TP53BP2: variants seen among roughly 807,000 people sequenced by gnomAD.
TP53BP2 encodes the protein apoptosis-stimulating of p53 protein 2.
TP53BP2 carries 62 observed loss-of-function variants against 126.2 expected under a neutral mutation model. The ratio of observed to expected loss-of-function variants is 0.49; its 90% confidence interval spans 0.40 to 0.61. The LOEUF (loss-of-function observed/expected upper bound fraction) is 0.61, where lower values mean the gene tolerates loss of function less well. Among genes scored for constraint, TP53BP2 ranks in the 20% least tolerant of loss-of-function variants. The pLI is 0.00. For missense variants in TP53BP2, 1,215 were observed against 1,402.8 expected (o/e 0.87, Z 2.14); for synonymous variants, 485 against 502.9 (o/e 0.96, Z 0.48).
chr1:223,817,561 A>G (rs1663131554), intron 2 of TP53BP2, among the ~76,000 whole-genome samples: 1 of 152,164 alleles, frequency 6.6e-6, no homozygotes, highest in South Asian at 2.1e-4. Context: ...AAAACAAGAT[A>G]ATTTATTTAA....
chr1:223,836,808 CAGG>C (rs1663938122), intron 1 of TP53BP2, among the ~76,000 whole-genome samples: 1 of 151,964 alleles, frequency 6.6e-6, no homozygotes, highest in South Asian at 2.1e-4. Context: ...TCAACAGCTC[CAGG>C]AGAAGACAGA....
intron 1 of TP53BP2, among the ~76,000 whole-genome samples, chr1:223,840,981 G>A (rs1000451745): frequency 5.9e-5 from 9 of 152,172 alleles, no homozygotes; most frequent in Admixed American, 2.0e-4. Context: ...TCCTGGGTGC[G>A]GTGGCTCATG....
At chr1:223,791,838 C>T (rs1372686507) in intron 15 of TP53BP2, among the ~76,000 whole-genome samples, 1 of 152,026 alleles carries the variant, frequency 6.6e-6, no homozygotes, top group Non-Finnish European at 1.5e-5. Context: ...ATGACAGGAC[C>T]TTATTAGGAC....
At chr1:223,841,317 C>T (rs1171533216) in intron 1 of TP53BP2, among the ~76,000 whole-genome samples, 1 of 151,748 alleles carries the variant, frequency 6.6e-6, no homozygotes, top group Non-Finnish European at 1.5e-5. Flanking sequence ...TGTTTAACAG[C>T]CTTTGATAAC....
At chr1:223,820,667 C>T (rs1663270034) in intron 2 of TP53BP2, among the ~76,000 whole-genome samples, 1 of 152,166 alleles carries the variant, frequency 6.6e-6, no homozygotes, top group African/African-American at 2.4e-5. Context: ...GTTCATCCAG[C>T]CTGTGTAGGA....
intron 2 of TP53BP2, among the ~76,000 whole-genome samples, chr1:223,817,804 T>C (rs760457255): frequency 3.3e-5 from 5 of 151,690 alleles, no homozygotes; most frequent in Non-Finnish European, 5.9e-5. Flanking sequence ...TGGGCGCCTG[T>C]AGTTCCAGCT....
intron 1 of TP53BP2, among the ~76,000 whole-genome samples, chr1:223,843,158 C>T (rs1027479996): frequency 1.1e-4 from 16 of 151,042 alleles, no homozygotes; most frequent in Non-Finnish European, 2.2e-4. Flanking sequence ...GGTGAGAAAA[C>T]ACATGAACAC....
chr1:223,823,760 T>C (rs1663397687), intron 1 of TP53BP2, among the ~76,000 whole-genome samples: 2 of 152,256 alleles, frequency 1.3e-5, no homozygotes, highest in African/African-American at 4.8e-5. Context: ...TATTCAGTGA[T>C]GGAGACAAAT....
intron 14 of TP53BP2, 122 bp downstream of exon 14, chr1:223,793,181 C>A: frequency 4.6e-4 from 323 of 701,136 alleles, no homozygotes; most frequent in East Asian, 9.4e-4. Flanking sequence ...CAGTCGCTTT[C>A]TAATTAGAGC....
At chr1:223,788,907 A>C (rs903513949) in intron 16 of TP53BP2, 101 bp downstream of exon 16, 18 of 1,286,868 alleles carry the variant, frequency 1.4e-5, no homozygotes, top group Non-Finnish European at 1.4e-5. Context: ...TATGGATAAC[A>C]CAAGATTTTT....
rs772539539 is a variant in TP53BP2, at chr1:223,814,256, G to A, written c.273C>T (p.Pro91=). ...EVRFFLRHER[P]PGRDIVSGPR... ...ACTACCTACCAATGTCCCTGCCAGG[G>A]GGGCGTTCATGACGAAGGAAGAAGC... The change falls in exon 3 of 18, where the codon CCC becomes CCT. Residue 91 remains proline (P), a synonymous_variant. Transcript: ENST00000343537. 1 of 1,613,440 alleles carries A rather than the reference G, an allele frequency of 6.2e-7. No individual in the cohort carries two copies. Among genetic ancestry groups the A allele is most frequent in the Non-Finnish European group, 8.5e-7 (1 of 1,179,460 alleles).
chr1:223,845,552 C>T lies in TP53BP2; in HGVS notation c.27+102G>A. The T allele has an allele frequency of 6.3e-6, 8 of 1,266,060 alleles. No individual in the cohort carries two copies. In the South Asian group the frequency reaches 1.0e-4, roughly 16 times the overall value. The allele number at this position is 1,266,060 out of a possible 1,614,324, so 78.4% of individuals were successfully genotyped here. ...CCCGGCCCCTCCGCGCGGGCTGCGGCCCCCAGGCTCCTTCCCCGACGCGCC... is the reference window on the plus strand; with the variant it reads ...CCCGGCCCCTCCGCGCGGGCTGCGGTCCCCAGGCTCCTTCCCCGACGCGCC... On this transcript the variant is annotated intron_variant, in intron 1 of 17. Coordinates refer to ENST00000343537, the MANE Select transcript of TP53BP2 (RefSeq NM_001031685.3).
At chr1:223,824,348 G>A (rs188680828) in intron 1 of TP53BP2, among the ~76,000 whole-genome samples, 52 of 152,286 alleles carry the variant, frequency 3.4e-4, no homozygotes, top group African/African-American at 1.2e-3. Flanking sequence ...GTTTAACACT[G>A]GTATGAACAG....
intron 13 of TP53BP2, among the ~76,000 whole-genome samples, chr1:223,794,250 G>A (rs1662242606): frequency 6.6e-6 from 1 of 152,030 alleles, no homozygotes; most frequent in African/African-American, 2.4e-5. Context: ...GTTTACTGTT[G>A]TGAGGTGTGA....
At chr1:223,820,105 G>T (rs1411368249) in intron 2 of TP53BP2, among the ~76,000 whole-genome samples, 1 of 152,174 alleles carries the variant, frequency 6.6e-6, no homozygotes, top group Non-Finnish European at 1.5e-5. Context: ...CATTTTAGCT[G>T]CAATCCAGAA....
chr1:223,829,246 G>A (rs1663611379), intron 1 of TP53BP2, among the ~76,000 whole-genome samples: 1 of 152,082 alleles, frequency 6.6e-6, no homozygotes, highest in South Asian at 2.1e-4. Context: ...AGGTGGGAGG[G>A]TCACCTGAGT....
chr1:223,813,620 T>C (rs1389994475), intron 3 of TP53BP2, among the ~76,000 whole-genome samples: 1 of 151,960 alleles, frequency 6.6e-6, no homozygotes, highest in African/African-American at 2.4e-5. Context: ...CCTAGAAAAA[T>C]TTGTCTAGAC....
intron 7 of TP53BP2, 144 bp downstream of exon 7, chr1:223,803,127 A>G: frequency 9.4e-7 from 1 of 1,065,642 alleles, no homozygotes; most frequent in Non-Finnish European, 1.4e-6. Context: ...TTTACTCTGG[A>G]TTCTCTGGAG....
chr1:223,789,760 T>C (rs1662086912), intron 15 of TP53BP2, among the ~76,000 whole-genome samples: 1 of 152,074 alleles, frequency 6.6e-6, no homozygotes. Flanking sequence ...CAACTATAGG[T>C]AACTGGTCAG....
Sources: allele counts gnomAD v4.1 joint callset (sites outside exome capture counted in the v4.1 genomes callset), GRCh38; gene constraint gnomAD v4.1.1; transcripts MANE v1.5; gene names NCBI Gene and HGNC (gene_info 2026-07-23, HGNC 2026-07-21).